Variants in PRKAR1B observed in about 807,000 individuals in gnomAD.
The protein encoded by PRKAR1B is cAMP-dependent protein kinase type I-beta regulatory subunit.
PRKAR1B carries 22 observed loss-of-function variants against 46.5 expected under a neutral mutation model. The observed-to-expected ratio is 0.47, with a 90% CI of 0.34 to 0.68. The LOEUF (loss-of-function observed/expected upper bound fraction) is 0.68. Among genes scored for constraint, PRKAR1B ranks in the 30% least tolerant of loss-of-function variants. PRKAR1B has a pLI of 0.01. For synonymous variants in PRKAR1B, 259 were observed against 217.7 expected, an observed-to-expected ratio of 1.19 and a Z score of -1.67; for missense variants, 445 against 535.6, an observed-to-expected ratio of 0.83 and a Z score of 1.67.
intron 6 of PRKAR1B, among the ~76,000 whole-genome samples, chr7:604,687 G>T (rs552903459): frequency 1.3e-5 from 2 of 152,204 alleles, no homozygotes; most frequent in African/African-American, 4.8e-5. Context: ...CAGACTCCGC[G>T]GCTGCCACGG....
rs71016887 is a variant in PRKAR1B, at chr7:615,825, C to CAA, written c.441-8375_441-8374dup. 1.9e-3 allele frequency among the ~76,000 whole-genome samples: 181 copies of CAA among 94,362 alleles called. 1 individual carries two copies. Among genetic ancestry groups the CAA allele is most frequent in the East Asian group, 5.4e-3 (19 of 3,548 alleles). The allele number at this position is 94,362 out of a possible 152,430, so 61.9% of individuals were successfully genotyped here. ...CCTGGGCTACAGAGCAAGACTCCAT[C>CAA]AAAAAAAAAAAAAAAAAGAAAGCAA... On this transcript the variant is annotated intron_variant, in intron 4 of 10. Coordinates refer to ENST00000537384, the MANE Select transcript of PRKAR1B (RefSeq NM_001164760.2).
rs1030134740 is a variant in PRKAR1B at position 644,987 on chromosome 7, C to A, written c.440+32242G>T. On this transcript the variant is annotated intron_variant, in intron 4 of 10. Transcript: ENST00000537384. This position sits in a 1 kb window ranked among gnomAD's most constrained non-coding sequence, Gnocchi z 4.9. ...CTCCGCAATGAGCCGTCTCTTCAGC[C>A]TCTATAAATAAGGCGCAGTGTGGAC... Among the ~76,000 whole-genome samples, 30 of 152,218 alleles carry A rather than the reference C, an allele frequency of 2.0e-4. No homozygotes were observed. Among genetic ancestry groups the A allele is most frequent in the African/African-American group, 6.8e-4 (28 of 41,464 alleles).
chr7:721,584 G>A (rs1385078247), intron 1 of PRKAR1B, among the ~76,000 whole-genome samples: 1 of 152,012 alleles, frequency 6.6e-6, no homozygotes, highest in Non-Finnish European at 1.5e-5. Flanking sequence ...GGAGGCAGAG[G>A]TTGCAGTGAG....
At chr7:614,678 G>T (rs904895929) in intron 4 of PRKAR1B, among the ~76,000 whole-genome samples, 2 of 152,028 alleles carry the variant, frequency 1.3e-5, no homozygotes, top group Non-Finnish European at 2.9e-5. Context: ...TTGGGAGGCC[G>T]AAGCAGGCAG....
chr7:685,308 G>GTATATA (rs373416786), intron 2 of PRKAR1B, among the ~76,000 whole-genome samples: 3 of 11,306 alleles, frequency 2.7e-4, no homozygotes, highest in African/African-American at 5.7e-4. Flanking sequence ...ATATATATAC[G>GTATATA]TATATATACG....
intron 2 of PRKAR1B, among the ~76,000 whole-genome samples, chr7:709,726 GGT>G (rs1292116438): frequency 1.3e-5 from 2 of 152,060 alleles, no homozygotes; most frequent in Non-Finnish European, 2.9e-5. Flanking sequence ...GGAGTGCAGT[GGT>G]GTGATCATGG....
intron 9 of PRKAR1B, among the ~76,000 whole-genome samples, chr7:563,038 C>A (rs1778903417): frequency 6.6e-6 from 1 of 152,246 alleles, no homozygotes; most frequent in Admixed American, 6.5e-5. Context: ...ACTGTGACTT[C>A]ACAGCAACCC....
At chr7:572,564 G>A (rs1779580299) in intron 9 of PRKAR1B, among the ~76,000 whole-genome samples, 1 of 152,168 alleles carries the variant, frequency 6.6e-6, no homozygotes, top group Non-Finnish European at 1.5e-5. Context: ...GTGAGCAGGG[G>A]CTGTTTTCCA....
At chr7:673,044 TTAAAAAAAAAAAAA>T (rs1462829058) in intron 4 of PRKAR1B, among the ~76,000 whole-genome samples, 2 of 15,470 alleles carry the variant, frequency 1.3e-4, no homozygotes, top group African/African-American at 4.7e-4. Flanking sequence ...GGCCTTGTCT[TTAAAAAAAAAAAAA>T]AAAAAAAAAA....
chr7:665,427 A>C (rs892192635), intron 4 of PRKAR1B, among the ~76,000 whole-genome samples: 1 of 152,152 alleles, frequency 6.6e-6, no homozygotes, highest in African/African-American at 2.4e-5. Context: ...AACATGCCCG[A>C]GGCCCATGGC....
At chr7:631,996 A>C (rs990519979) in intron 4 of PRKAR1B, among the ~76,000 whole-genome samples, 5 of 151,444 alleles carry the variant, frequency 3.3e-5, no homozygotes, top group Non-Finnish European at 7.4e-5. Flanking sequence ...TTGTGTCCCG[A>C]TCTAGAAAAA....
chr7:639,963 G>C (rs1784302860), intron 4 of PRKAR1B, among the ~76,000 whole-genome samples: 1 of 151,944 alleles, frequency 6.6e-6, no homozygotes, highest in African/African-American at 2.4e-5. Flanking sequence ...AGGAGTTTGA[G>C]ACCAGCCTGG....
rs142845948 is a variant in PRKAR1B at position 604,731 on chromosome 7, G to A, written c.549+1462C>T. Among the ~76,000 whole-genome samples the A allele has an allele frequency of 2.6e-3, 396 of 152,344 alleles. 1 individual carries two copies. The highest frequency in any genetic ancestry group is 6.8e-3 in the Middle Eastern group (2 of 294). ...GAGTAAATGCCCTCCCCAGAATAGC[G>A]TGGCCGGGACAGAGGCACAGCCACC... On this transcript the variant is annotated intron_variant, in intron 6 of 10. Coordinates refer to ENST00000537384, the MANE Select transcript of PRKAR1B (RefSeq NM_001164760.2).
intron 1 of PRKAR1B, chr7:726,843 C>A: frequency 7.5e-7 from 1 of 1,325,012 alleles, no homozygotes; most frequent in East Asian, 3.2e-5. Context: ...TGGAGGCCGA[C>A]AGCAAGCCGG....
Position 667,602 on chromosome 7 carries a change from C to G in PRKAR1B, c.440+9627G>C, listed in dbSNP as rs1786003068. On this transcript the variant is annotated intron_variant, in intron 4 of 10. Coordinates refer to ENST00000537384, the MANE Select transcript of PRKAR1B (RefSeq NM_001164760.2). This position sits in a 1 kb window ranked among gnomAD's most constrained non-coding sequence, Gnocchi z 4.3. The stretch of plus-strand genomic sequence containing the variant: ...TATGGACCCCGCTCACTGGCAATGC[C>G]TAAATCACCCATTCTCAATCTTCCT... 6.6e-6 allele frequency among the ~76,000 whole-genome samples: 1 copy of G among 152,216 alleles called. No homozygotes were observed. The highest frequency in any genetic ancestry group is 1.5e-5 in the Non-Finnish European group (1 of 68,040).
rs570588287 is a variant in PRKAR1B at position 592,119 on chromosome 7, T to TC, written c.708+4026dup. On this transcript the variant is annotated intron_variant, in intron 7 of 10. Coordinates refer to ENST00000537384, the MANE Select transcript of PRKAR1B (RefSeq NM_001164760.2). ...CTTGCCAGGCAGGTCCCGGCTCTGA[T>TC]CCCCCCATGGATCAGGGTCCCCACG... Among the ~76,000 whole-genome samples, 166 of 151,972 alleles carry TC rather than the reference T, an allele frequency of 1.1e-3. 3 individuals carry two copies. The highest frequency in any genetic ancestry group is 7.5e-3 in the South Asian group (36 of 4,804).
chr7:723,507 C>G (rs1299255046), intron 1 of PRKAR1B, among the ~76,000 whole-genome samples: 6 of 152,218 alleles, frequency 3.9e-5, no homozygotes, highest in Non-Finnish European at 5.9e-5. Flanking sequence ...CTCCTTTCCT[C>G]GTCGCCTGCT....
chr7:568,285 G>A (rs1388472582), intron 9 of PRKAR1B, among the ~76,000 whole-genome samples: 1 of 152,156 alleles, frequency 6.6e-6, no homozygotes, highest in Non-Finnish European at 1.5e-5. Flanking sequence ...CTTGTGTCCT[G>A]CTCCTGGGGA....
chr7:571,210 G>A (rs1779492833), intron 9 of PRKAR1B, among the ~76,000 whole-genome samples: 1 of 152,102 alleles, frequency 6.6e-6, no homozygotes, highest in Admixed American at 6.6e-5. Context: ...CACTGTCCAA[G>A]ACCCCAGCCA....
Sources: gnomAD v4.1 joint callset for allele counts (sites outside exome capture counted in the v4.1 genomes callset) on GRCh38, gnomAD v4.1.1 for gene constraint, Gnocchi (gnomAD v3.1) non-coding constraint, MANE v1.5 for transcripts, NCBI Gene and HGNC (gene_info 2026-07-23, HGNC 2026-07-21) for gene names.